BRINP3: variants seen among roughly 807,000 people sequenced by gnomAD.
BRINP3 encodes the protein BMP/retinoic acid inducible neural specific 3.
Under a neutral mutation model 71.0 loss-of-function variants are expected in BRINP3, and 19 were observed. The ratio of observed to expected loss-of-function variants is 0.27; its 90% CI spans 0.19 to 0.39. The LOEUF is 0.39. Ranked by LOEUF, BRINP3 falls within the 10% of genes least tolerant of loss-of-function variation. The probability of loss-of-function intolerance (pLI) is 1.00; values close to 1 mark genes in which losing one functional copy is unlikely to be tolerated. For synonymous variants in BRINP3, 380 were observed against 337.7 expected (o/e 1.13, Z -1.37); for missense variants, 959 against 940.8 (o/e 1.02, Z -0.25).
At chr1:190,234,689 G>A (rs565099604) in intron 4 of BRINP3, among the ~76,000 whole-genome samples, 19 of 151,980 alleles carry the variant, frequency 1.3e-4, no homozygotes, top group African/African-American at 4.6e-4. Context: ...CTTTGGTTGG[G>A]CATAAATATC....
At chr1:190,343,738 T>C (rs1667822982) in intron 2 of BRINP3, among the ~76,000 whole-genome samples, 1 of 151,640 alleles carries the variant, frequency 6.6e-6, no homozygotes, top group African/African-American at 2.4e-5. Context: ...ACCGACTCTG[T>C]ATGTACTTCA....
intron 2 of BRINP3, among the ~76,000 whole-genome samples, chr1:190,413,195 G>T (rs773326299): frequency 6.6e-6 from 1 of 151,740 alleles, no homozygotes. Context: ...GTGCATGTGC[G>T]TGTGTGTGTG....
chr1:190,343,632 GTAT>G (rs977060009), intron 2 of BRINP3, among the ~76,000 whole-genome samples: 1 of 151,072 alleles, frequency 6.6e-6, no homozygotes, highest in Non-Finnish European at 1.5e-5. Flanking sequence ...ACCATTACTA[GTAT>G]TATTATATTT....
At chr1:190,287,435 T>A (rs1167813616) in intron 2 of BRINP3, among the ~76,000 whole-genome samples, 3 of 152,168 alleles carry the variant, frequency 2.0e-5, no homozygotes, top group Admixed American at 6.5e-5. Flanking sequence ...TCAAACTTTT[T>A]AAAATAAATT....
At chr1:190,186,155 T>C (rs1447052904) in intron 6 of BRINP3, among the ~76,000 whole-genome samples, 1 of 151,968 alleles carries the variant, frequency 6.6e-6, no homozygotes, top group Non-Finnish European at 1.5e-5. Flanking sequence ...ACGGGTGGAT[T>C]ACCTGAGGTC....
At chr1:190,310,300 C>T (rs951621268) in intron 2 of BRINP3, among the ~76,000 whole-genome samples, 2 of 151,602 alleles carry the variant, frequency 1.3e-5, no homozygotes, top group African/African-American at 2.4e-5. Context: ...TTTAACAGCT[C>T]ATATTCATGT....
chr1:190,110,911 A>G (rs1281835480), intron 7 of BRINP3, among the ~76,000 whole-genome samples: 1 of 152,162 alleles, frequency 6.6e-6, no homozygotes, highest in Non-Finnish European at 1.5e-5. Context: ...TCAAAAAACT[A>G]TCATGAACCA....
chr1:190,345,001 A>G (rs1667917878), intron 2 of BRINP3, among the ~76,000 whole-genome samples: 1 of 151,562 alleles, frequency 6.6e-6, no homozygotes, highest in Non-Finnish European at 1.5e-5. Flanking sequence ...TACATTGTCA[A>G]AAAAACTGTC....
intron 3 of BRINP3, among the ~76,000 whole-genome samples, chr1:190,267,556 A>G (rs920642174): frequency 3.3e-5 from 5 of 152,080 alleles, no homozygotes; most frequent in African/African-American, 1.2e-4. Context: ...CTTATATCCA[A>G]TAAAAATAAA....
rs1677574978 is a variant in BRINP3 at position 190,477,533 on chromosome 1, T to TAA, written c.-138_-137dup. 1 of 152,096 alleles carries TAA rather than the reference T, an allele frequency of 6.6e-6. No individual in the cohort carries two copies. The highest frequency in any genetic ancestry group is 2.4e-5 in the African/African-American group (1 of 41,418). The allele number at this position is 152,096 out of a possible 1,614,324, so 9.4% of individuals were successfully genotyped here. On this transcript the variant is annotated 5_prime_UTR_variant, in exon 1 of 8. The change abolishes the stop of an existing upstream ORF in the 5' untranslated region. Transcript: ENST00000367462. ...TATTCCATGATCTTCCAAATCAAGG[T>TAA]AAAGTAGTGAGCTGCAGGGTAGTAG... is the stretch of plus-strand genomic sequence containing the variant.
intron 7 of BRINP3, among the ~76,000 whole-genome samples, chr1:190,112,055 A>C (rs569028918): frequency 3.7e-4 from 56 of 152,260 alleles, no homozygotes; most frequent in Admixed American, 1.2e-3. Flanking sequence ...GAAAATCTGA[A>C]AGAGGAAGTT....
At chr1:190,146,445 T>G (rs557672435) in intron 7 of BRINP3, among the ~76,000 whole-genome samples, 1 of 152,308 alleles carries the variant, frequency 6.6e-6, no homozygotes, top group African/African-American at 2.4e-5. Context: ...GCATTTTCCA[T>G]ACTATTTCAA....
chr1:190,219,680 A>G (rs1048560829), intron 6 of BRINP3, among the ~76,000 whole-genome samples: 4 of 151,914 alleles, frequency 2.6e-5, no homozygotes, highest in Non-Finnish European at 5.9e-5. Context: ...TCTACTAAAA[A>G]TACAAAAATT....
intron 1 of BRINP3, among the ~76,000 whole-genome samples, chr1:190,460,186 A>C (rs1571371568): frequency 6.6e-6 from 1 of 151,654 alleles, no homozygotes; most frequent in East Asian, 1.9e-4. Flanking sequence ...AAAAAGTCAC[A>C]TTCTTTCAAA....
chr1:190,282,922 A>T (rs1571624749), intron 2 of BRINP3, among the ~76,000 whole-genome samples: 1 of 152,104 alleles, frequency 6.6e-6, no homozygotes, highest in East Asian at 1.9e-4. Context: ...CCGAGACAAC[A>T]ATTAGGCAAT....
intron 2 of BRINP3, among the ~76,000 whole-genome samples, chr1:190,390,383 G>T (rs1405916336): frequency 1.3e-5 from 2 of 151,780 alleles, no homozygotes; most frequent in African/African-American, 4.8e-5. Flanking sequence ...TGACCATGGT[G>T]TGAATGCTTA....
At chr1:190,197,221 C>G (rs1654565553) in intron 6 of BRINP3, among the ~76,000 whole-genome samples, 1 of 152,020 alleles carries the variant, frequency 6.6e-6, no homozygotes, top group Admixed American at 6.6e-5. Context: ...TTGGGTCCCT[C>G]CCATGACATG....
At chr1:190,157,287 G>C (rs988306727) in intron 7 of BRINP3, among the ~76,000 whole-genome samples, 2 of 151,936 alleles carry the variant, frequency 1.3e-5, no homozygotes, top group Admixed American at 1.3e-4. Flanking sequence ...GATGGAAAAG[G>C]TTGTGTGAAA....
intron 7 of BRINP3, among the ~76,000 whole-genome samples, chr1:190,151,105 C>A (rs927604395): frequency 6.6e-6 from 1 of 151,976 alleles, no homozygotes; most frequent in Non-Finnish European, 1.5e-5. Context: ...CGAGATAGTG[C>A]CACTGCACTC....
Sources: allele counts gnomAD v4.1 joint callset (sites outside exome capture counted in the v4.1 genomes callset), GRCh38; gene constraint gnomAD v4.1.1; transcripts MANE v1.5; gene names NCBI Gene and HGNC (gene_info 2026-07-23, HGNC 2026-07-21).